Variants in PDE4D observed in about 807,000 individuals in gnomAD.
PDE4D encodes the protein phosphodiesterase 4D.
In PDE4D, 24 loss-of-function variants were observed where a neutral mutation model predicts 87.4. The ratio of observed to expected loss-of-function variants is 0.27; its 90% confidence interval spans 0.20 to 0.39. The LOEUF is 0.39. Among genes scored for constraint, PDE4D ranks in the 10% least tolerant of loss-of-function variants. PDE4D has a pLI of 1.00. For synonymous variants in PDE4D, 384 were observed against 383.2 expected, an observed-to-expected ratio of 1.00 and a Z score of -0.02; for missense variants, 714 against 1,041.0, an observed-to-expected ratio of 0.69 and a Z score of 4.32.
At chr5:60,165,846 G>C (rs1417144042) in intron 2 of PDE4D, among the ~76,000 whole-genome samples, 1 of 151,496 alleles carries the variant, frequency 6.6e-6, no homozygotes, top group Non-Finnish European at 1.5e-5. Context: ...TCTGTCTTTT[G>C]ATTGCAGAAT....
chr5:59,553,463 G>A (rs114163475), intron 1 of PDE4D, among the ~76,000 whole-genome samples: 151 of 152,258 alleles, frequency 9.9e-4, no homozygotes, highest in African/African-American at 3.6e-3. Flanking sequence ...TTAAAAGAGT[G>A]AGCAGGGCTC....
chr5:59,024,324 C>T (rs530772977), intron 6 of PDE4D, among the ~76,000 whole-genome samples: 7 of 151,610 alleles, frequency 4.6e-5, no homozygotes, highest in East Asian at 3.9e-4. Context: ...CTCAGCCTCC[C>T]GAGTAGCTGA....
chr5:59,985,725 T>C (rs1762398884), intron 3 of PDE4D, among the ~76,000 whole-genome samples: 1 of 152,218 alleles, frequency 6.6e-6, no homozygotes, highest in South Asian at 2.1e-4. Context: ...ACATAGTCAT[T>C]CCTTGGTATA....
At chr5:59,887,217 T>G (rs1750293120) in intron 1 of PDE4D, among the ~76,000 whole-genome samples, 1 of 152,120 alleles carries the variant, frequency 6.6e-6, no homozygotes, top group Admixed American at 6.5e-5. Flanking sequence ...ACAAAGCAAA[T>G]TTTATAGAGT....
At chr5:60,312,466 A>G (rs571261134) in intron 1 of PDE4D, among the ~76,000 whole-genome samples, 16 of 152,348 alleles carry the variant, frequency 1.1e-4, no homozygotes, top group Non-Finnish European at 1.9e-4. Context: ...ATTGACTCAC[A>G]GTTCTGCACT....
intron 5 of PDE4D, among the ~76,000 whole-genome samples, chr5:59,085,933 G>C (rs1199808281): frequency 2.0e-5 from 3 of 152,158 alleles, no homozygotes; most frequent in African/African-American, 7.2e-5. Context: ...AATGGAGGTT[G>C]GGGTTGTAGA....
intron 5 of PDE4D, among the ~76,000 whole-genome samples, chr5:59,172,513 G>A (rs1035592744): frequency 3.4e-5 from 5 of 148,708 alleles, no homozygotes; most frequent in Non-Finnish European, 7.4e-5. Flanking sequence ...TGGGCAACAC[G>A]GCAAAACGCC....
intron 1 of PDE4D, among the ~76,000 whole-genome samples, chr5:59,834,794 A>T (rs184639450): frequency 6.6e-6 from 1 of 152,210 alleles, no homozygotes; most frequent in Admixed American, 6.6e-5. Context: ...TTAGGTAAAT[A>T]AACCACGTTG....
chr5:59,752,794 G>A (rs942317194), intron 1 of PDE4D, among the ~76,000 whole-genome samples: 3 of 152,154 alleles, frequency 2.0e-5, no homozygotes, highest in African/African-American at 2.4e-5. Context: ...CTCTAGATTC[G>A]GCTTCAAAAC....
At position 58,969,135 on chromosome 5, in the gene PDE4D, A is replaced by G. The variant is rs1742176170; in HGVS notation, c.*5529T>C. 6.6e-6 allele frequency: 1 copy of G among 152,214 alleles called. No individual in the cohort carries two copies. Among genetic ancestry groups the G allele is most frequent in the African/African-American group, 2.4e-5 (1 of 41,460 alleles). 9.4% of individuals were successfully genotyped at this position (152,214 alleles called of 1,614,324 possible). On this transcript the variant is annotated 3_prime_UTR_variant, in exon 15 of 15. Transcript: ENST00000340635. ...AATTTGATGGCTATATTCAACACATATTAAGAACCTACTGTGTACCAGGCA... is the reference window on the plus strand; with the variant it reads ...AATTTGATGGCTATATTCAACACATGTTAAGAACCTACTGTGTACCAGGCA...
chr5:60,059,901 A>T (rs771245711), intron 2 of PDE4D, among the ~76,000 whole-genome samples: 21 of 152,002 alleles, frequency 1.4e-4, no homozygotes, highest in Non-Finnish European at 2.6e-4. Context: ...CCCCAGGAAA[A>T]CTGTTAATTC....
At chr5:59,788,229 GA>G (rs1324178613) in intron 1 of PDE4D, among the ~76,000 whole-genome samples, 2 of 151,616 alleles carry the variant, frequency 1.3e-5, no homozygotes, top group East Asian at 3.9e-4. Flanking sequence ...TCATTTCAAA[GA>G]AAAAAAAGAG....
intron 1 of PDE4D, chr5:60,459,920 TGTC>T: frequency 1.4e-6 from 1 of 699,474 alleles, no homozygotes; most frequent in African/African-American, 1.8e-5. Flanking sequence ...TCATCTTCAT[TGTC>T]TTCTTCATTA....
At chr5:59,642,192 T>C (rs1041722016) in intron 1 of PDE4D, among the ~76,000 whole-genome samples, 5 of 152,102 alleles carry the variant, frequency 3.3e-5, no homozygotes, top group Non-Finnish European at 5.9e-5. Context: ...GAAAAAACTA[T>C]ATAAAATTTA....
rs932184520 is a variant in PDE4D, at chr5:59,661,983, T to C, written c.455+231185A>G. 5.2e-4 allele frequency among the ~76,000 whole-genome samples: 79 copies of C among 152,196 alleles called. 1 individual carries two copies. Among genetic ancestry groups the C allele is most frequent in the Admixed American group, 1.4e-3 (22 of 15,270 alleles). ...CGTTCTGGGAGGGGGGATATATTGC[T>C]GAGACCCATTGTCTGGTTAGCCACA... On this transcript the variant is annotated intron_variant, in intron 1 of 14. Transcript: ENST00000340635.
At chr5:60,332,193 A>G (rs957156975) in intron 1 of PDE4D, among the ~76,000 whole-genome samples, 8 of 152,230 alleles carry the variant, frequency 5.3e-5, no homozygotes, top group African/African-American at 1.4e-4. Context: ...ATTTAAATTT[A>G]AAGTTTAGAT....
chr5:59,437,087 T>C (rs1173444953), intron 1 of PDE4D, among the ~76,000 whole-genome samples: 2 of 152,188 alleles, frequency 1.3e-5, no homozygotes, highest in African/African-American at 4.8e-5. Flanking sequence ...TCAACAAACC[T>C]ATTATATATC....
chr5:60,403,116 A>T (rs1741230252), intron 1 of PDE4D, among the ~76,000 whole-genome samples: 1 of 152,234 alleles, frequency 6.6e-6, no homozygotes, highest in Non-Finnish European at 1.5e-5. Flanking sequence ...TCTGGAGGCC[A>T]GAATATCCAG....
intron 1 of PDE4D, among the ~76,000 whole-genome samples, chr5:59,802,396 CTTTTTTTT>C (rs60356253): frequency 9.1e-6 from 1 of 110,360 alleles, no homozygotes; most frequent in Admixed American, 9.7e-5. Context: ...CTTCCATATT[CTTTTTTTT>C]TTTTTTTTTT....
Sources: allele counts gnomAD v4.1 joint callset (sites outside exome capture counted in the v4.1 genomes callset), GRCh38; gene constraint gnomAD v4.1.1; transcripts MANE v1.5; gene names NCBI Gene and HGNC (gene_info 2026-07-23, HGNC 2026-07-21).